Variants in ACYP2 observed in about 807,000 individuals in gnomAD.
The protein encoded by ACYP2 is acylphosphatase-2.
ACYP2 carries 12 observed loss-of-function variants against 11.2 expected under a neutral mutation model. That is an observed-to-expected ratio of 1.08 (90% CI 0.69 to 1.74). The LOEUF (loss-of-function observed/expected upper bound fraction) is 1.74. Among genes scored for constraint, ACYP2 ranks in the 40% most tolerant of loss-of-function variants. The pLI, the probability that ACYP2 is intolerant of heterozygous loss-of-function variation, is 0.00. For missense variants in ACYP2, 134 were observed against 101.9 expected, an observed-to-expected ratio of 1.31 and a Z score of -1.35; for synonymous variants, 43 against 32.2, an observed-to-expected ratio of 1.33 and a Z score of -1.13.
At chr2:54,204,114 C>A (rs1210973594) in intron 6 of ACYP2, among the ~76,000 whole-genome samples, 3 of 152,146 alleles carry the variant, frequency 2.0e-5, no homozygotes, top group African/African-American at 7.2e-5. Flanking sequence ...CCTGTCTCAG[C>A]CTCCTGAGTA....
At chr2:54,138,771 T>C (rs781026659) in intron 6 of ACYP2, 23 bp downstream of exon 3, 1 of 1,586,066 alleles carries the variant, frequency 6.3e-7, no homozygotes, top group South Asian at 1.1e-5. Flanking sequence ...ATTAATAACA[T>C]GTACATGAAA....
At chr2:54,035,888 A>G (rs886172793) in intron 2 of ACYP2, among the ~76,000 whole-genome samples, 5 of 152,186 alleles carry the variant, frequency 3.3e-5, no homozygotes, top group Admixed American at 3.3e-4. Context: ...GAGCAGAAAA[A>G]TATTAAATTT....
chr2:54,227,130 A>G (rs568802612), intron 6 of ACYP2, among the ~76,000 whole-genome samples: 6 of 152,326 alleles, frequency 3.9e-5, no homozygotes, highest in East Asian at 1.9e-4. Flanking sequence ...TGGGCCATCA[A>G]TATTAGGATA....
At chr2:54,044,653 C>T (rs771367181) in intron 2 of ACYP2, among the ~76,000 whole-genome samples, 9 of 151,980 alleles carry the variant, frequency 5.9e-5, no homozygotes, top group Non-Finnish European at 1.0e-4. Flanking sequence ...TAATCAGGAC[C>T]CTACAATTAC....
intron 4 of ACYP2, among the ~76,000 whole-genome samples, chr2:54,097,061 T>C (rs2103694151): frequency 6.6e-6 from 1 of 152,298 alleles, no homozygotes; most frequent in Admixed American, 6.5e-5. Flanking sequence ...AGCAAAGTAA[T>C]CCATGAACAT....
In ACYP2 at chr2:54,255,515, C is replaced by G. The variant is rs1573000751; in HGVS notation, c.405-49173C>G. ...CTGTCAGCCTCTGCATTCACGGAGT[C>G]CAGTTCCAGCTGGATGGACTCCAGG... is the stretch of plus-strand genomic sequence containing the variant. On this transcript the variant is annotated intron_variant, in intron 6 of 6. Coordinates refer to ENST00000607452, the MANE Select transcript of ACYP2 (RefSeq NM_001320586.2). 5.6e-6 allele frequency: 9 copies of G among 1,613,892 alleles called. No homozygotes were observed. Among genetic ancestry groups the G allele is most frequent in the Non-Finnish European group, 7.6e-6 (9 of 1,180,018 alleles).
At chr2:54,106,756 G>A (rs954186027) in intron 4 of ACYP2, among the ~76,000 whole-genome samples, 14 of 152,134 alleles carry the variant, frequency 9.2e-5, no homozygotes, top group Admixed American at 2.6e-4. Flanking sequence ...GCTAATTTTT[G>A]TATGTTTTAG....
intron 6 of ACYP2, among the ~76,000 whole-genome samples, chr2:54,223,354 T>C (rs1685878030): frequency 6.6e-6 from 1 of 152,218 alleles, no homozygotes; most frequent in Non-Finnish European, 1.5e-5. Flanking sequence ...AAAAAGTCTA[T>C]CTTTAGAATT....
chr2:54,123,083 G>C, intron 4 of ACYP2: 1 of 318,018 alleles, frequency 3.1e-6, no homozygotes. Context: ...AAGAGGACAT[G>C]CCTGGGCTGT....
intron 4 of ACYP2, among the ~76,000 whole-genome samples, chr2:54,108,261 G>A (rs1679273986): frequency 1.3e-5 from 2 of 152,154 alleles, no homozygotes; most frequent in Non-Finnish European, 2.9e-5. Context: ...GAATGTCCAG[G>A]GTTTGTAGCT....
chr2:54,051,024 C>T lies in ACYP2; in HGVS notation c.129C>T (p.Leu43=), dbSNP rs759893763. 17 of 460,664 alleles carry T rather than the reference C, an allele frequency of 3.7e-5. No homozygotes were observed. In the Middle Eastern group the frequency reaches 2.2e-3, roughly 60 times the overall value. The allele number at this position is 460,664 out of a possible 1,614,324, so 28.5% of individuals were successfully genotyped here. A position where few individuals can be genotyped will look rare whatever the true frequency, so the allele number is the denominator to read the frequency against. The change falls in exon 3 of 7, where the codon CTC becomes CTT. Residue 43 remains leucine, a synonymous_variant. Transcript: ENST00000607452. Reference sequence around the variant, plus strand: ...CTAATGTCAAGCTATCCTCCTGCCTCGGCCTCCCATGCTGTTGGGATTACA... The same window carrying T: ...CTAATGTCAAGCTATCCTCCTGCCTTGGCCTCCCATGCTGTTGGGATTACA...
At chr2:54,029,820 A>G in intron 2 of ACYP2, 1 of 527,942 alleles carries the variant, frequency 1.9e-6, no homozygotes, top group Non-Finnish European at 3.5e-6. Context: ...TCCTATTTGA[A>G]CAGTGCCCAC....
chr2:53,995,865 G>A (rs1016999020), intron 2 of ACYP2, among the ~76,000 whole-genome samples: 10 of 152,086 alleles, frequency 6.6e-5, no homozygotes, highest in African/African-American at 1.9e-4. Context: ...GGGCACGGTC[G>A]TTCACGCCTA....
intron 2 of ACYP2, among the ~76,000 whole-genome samples, chr2:53,984,556 A>C (rs571344490): frequency 6.6e-6 from 1 of 152,064 alleles, no homozygotes; most frequent in East Asian, 1.9e-4. Context: ...CAGCCTGGGC[A>C]ACAAGAGCAA....
intron 6 of ACYP2, among the ~76,000 whole-genome samples, chr2:54,295,236 C>T (rs1351394818): frequency 6.6e-6 from 1 of 152,114 alleles, no homozygotes; most frequent in African/African-American, 2.4e-5. Flanking sequence ...ATAAATGAAC[C>T]AATTGCACAA....
chr2:53,986,670 G>C, intron 2 of ACYP2, among the ~76,000 whole-genome samples: 1 of 148,972 alleles, frequency 6.7e-6, no homozygotes, highest in South Asian at 2.1e-4. Flanking sequence ...TGTTGCCCAG[G>C]ATGGAGTGCA....
At chr2:54,237,165 G>C (rs777960909) in intron 6 of ACYP2, among the ~76,000 whole-genome samples, 1 of 152,126 alleles carries the variant, frequency 6.6e-6, no homozygotes, top group Admixed American at 6.5e-5. Flanking sequence ...TCAGGGACTT[G>C]ACTATCCATG....
chr2:54,076,777 A>T (rs941191389), intron 4 of ACYP2, among the ~76,000 whole-genome samples: 1 of 152,168 alleles, frequency 6.6e-6, no homozygotes, highest in Non-Finnish European at 1.5e-5. Flanking sequence ...TGGTGGCTAG[A>T]TCAGGGCCCC....
chr2:54,100,303 C>CTT (rs201503798), intron 4 of ACYP2, among the ~76,000 whole-genome samples: 7 of 132,490 alleles, frequency 5.3e-5, no homozygotes, highest in South Asian at 2.4e-4. Flanking sequence ...TATATACTTC[C>CTT]TTTTTTTTTT....
Sources: allele counts gnomAD v4.1 joint callset (sites outside exome capture counted in the v4.1 genomes callset), GRCh38; gene constraint gnomAD v4.1.1; transcripts MANE v1.5; gene names NCBI Gene and HGNC (gene_info 2026-07-23, HGNC 2026-07-21).